Variants in CNOT10 observed in about 807,000 individuals in gnomAD.
CNOT10 encodes CCR4-NOT transcription complex, subunit 10.
CNOT10 carries 30 observed loss-of-function variants against 94.6 expected under a neutral mutation model. The ratio of observed to expected loss-of-function variants is 0.32; its 90% CI spans 0.24 to 0.43. The LOEUF is 0.43. Ranked by LOEUF, CNOT10 falls within the 20% of genes least tolerant of loss-of-function variation. CNOT10 has a pLI of 1.00. For missense variants in CNOT10, 759 were observed against 877.2 expected (o/e 0.87, Z 1.70); for synonymous variants, 289 against 301.6 (o/e 0.96, Z 0.43).
At chr3:32,723,652 A>G (rs537284117) in intron 8 of CNOT10, among the ~76,000 whole-genome samples, 7 of 152,326 alleles carry the variant, frequency 4.6e-5, no homozygotes, top group African/African-American at 1.4e-4. Context: ...GTAAACACAC[A>G]TACACATACT....
In CNOT10 at chr3:32,727,881, CT is replaced by C; in HGVS notation, c.1215+13del. ...GCTGCCAATAAGGGGGTGAGTGCTA[CT>C]TGGGTATCTTTTTAAACCCTGTCTT... On this transcript the variant is annotated intron_variant, in intron 10 of 18. Coordinates refer to ENST00000328834, the MANE Select transcript of CNOT10 (RefSeq NM_015442.3). The C allele has an allele frequency of 6.2e-7, 1 of 1,600,004 alleles. No homozygotes were observed. The highest frequency in any genetic ancestry group is 8.5e-7 in the Non-Finnish European group (1 of 1,174,098).
chr3:32,729,086 T>A (rs1341956782), intron 10 of CNOT10, among the ~76,000 whole-genome samples: 1 of 151,994 alleles, frequency 6.6e-6, no homozygotes, highest in African/African-American at 2.4e-5. Flanking sequence ...ACAGAGAGAC[T>A]CTGTCTCAAA....
chr3:32,757,240 C>T (rs948647873), intron 13 of CNOT10, among the ~76,000 whole-genome samples: 2 of 109,858 alleles, frequency 1.8e-5, no homozygotes, highest in Non-Finnish European at 3.3e-5. Context: ...AGCGCAATGG[C>T]GTGATCTCAG....
At chr3:32,764,986 C>T (rs1700601309) in intron 17 of CNOT10, 177 bp downstream of exon 17, 1 of 1,520,418 alleles carries the variant, frequency 6.6e-7, no homozygotes, top group Non-Finnish European at 8.8e-7. Flanking sequence ...TGTAAATGAA[C>T]CTAGACACTT....
intron 1 of CNOT10, 82 bp from the exon 2 acceptor site, chr3:32,703,786 A>C: frequency 1.1e-6 from 1 of 915,748 alleles, no homozygotes; most frequent in Non-Finnish European, 1.7e-6. Flanking sequence ...GGTAACTGAA[A>C]CTGCAGAAAG....
intron 8 of CNOT10, among the ~76,000 whole-genome samples, chr3:32,720,941 TCCC>T (rs1380055042): frequency 2.1e-5 from 3 of 140,528 alleles, no homozygotes; most frequent in Non-Finnish European, 4.6e-5. Flanking sequence ...CTTCCCTTCT[TCCC>T]TTCCTTCCCT....
At chr3:32,725,925 A>G (rs1698644255) in intron 9 of CNOT10, among the ~76,000 whole-genome samples, 1 of 100,454 alleles carries the variant, frequency 1.0e-5, no homozygotes, top group African/African-American at 4.2e-5. Flanking sequence ...TAGGTTTATT[A>G]TAGTTTTGTT....
At chr3:32,689,292 G>A (rs1696753908) in intron 1 of CNOT10, among the ~76,000 whole-genome samples, 1 of 151,328 alleles carries the variant, frequency 6.6e-6, no homozygotes, top group South Asian at 2.1e-4. Context: ...GGCAGAGGTT[G>A]CAGTGAGCCA....
rs558195354 is a variant in CNOT10 at position 32,715,655 on chromosome 3, C to G, written c.574-570C>G. Among the ~76,000 whole-genome samples the G allele has an allele frequency of 8.0e-4, 122 of 152,270 alleles. 1 individual carries two copies. The Middle Eastern group carries it at 0.01, about 13-fold the overall frequency. On this transcript the variant is annotated intron_variant, in intron 5 of 18. Transcript: ENST00000328834. Reference sequence around the variant, plus strand: ...TTTTAAAACAAGCCCAGGCTGGCCACAGTGGAGACCCCCGTCTCTATGAAA... The same window carrying G: ...TTTTAAAACAAGCCCAGGCTGGCCAGAGTGGAGACCCCCGTCTCTATGAAA...
At chr3:32,711,700 T>C (rs924396462) in intron 4 of CNOT10, among the ~76,000 whole-genome samples, 1 of 152,186 alleles carries the variant, frequency 6.6e-6, no homozygotes, top group Non-Finnish European at 1.5e-5. Flanking sequence ...GCATTCCCAC[T>C]GGAGGTAATG....
chr3:32,764,208 A>G, intron 15 of CNOT10: 1 of 425,924 alleles, frequency 2.3e-6, no homozygotes, highest in Non-Finnish European at 4.1e-6. Flanking sequence ...ATGGTGGCAC[A>G]TGCCTGTAAT....
chr3:32,768,538 G>A (rs531471074), intron 17 of CNOT10, among the ~76,000 whole-genome samples: 9 of 151,798 alleles, frequency 5.9e-5, no homozygotes, highest in South Asian at 2.1e-4. Context: ...AGCCTAGATC[G>A]TGCAATTGCA....
intron 13 of CNOT10, among the ~76,000 whole-genome samples, chr3:32,742,569 A>C (rs892935329): frequency 3.3e-5 from 5 of 152,010 alleles, no homozygotes; most frequent in Admixed American, 1.3e-4. Flanking sequence ...TTTGGTAGAG[A>C]TGGGGTGTCA....
intron 1 of CNOT10, among the ~76,000 whole-genome samples, chr3:32,702,123 T>C (rs1285952020): frequency 6.9e-6 from 1 of 145,010 alleles, no homozygotes; most frequent in Non-Finnish European, 1.5e-5. Flanking sequence ...CTCAAGACAG[T>C]CTCACTCTGT....
At chr3:32,690,881 G>T (rs760948174) in intron 1 of CNOT10, among the ~76,000 whole-genome samples, 11 of 151,724 alleles carry the variant, frequency 7.3e-5, no homozygotes, top group Non-Finnish European at 1.3e-4. Context: ...TATTATGAAT[G>T]ATTTCAAACA....
intron 10 of CNOT10, among the ~76,000 whole-genome samples, chr3:32,732,931 T>G (rs1272028528): frequency 2.0e-5 from 3 of 152,234 alleles, no homozygotes; most frequent in East Asian, 1.9e-4. Flanking sequence ...ATTGTGTCCA[T>G]GTAAATTTTT....
At chr3:32,728,488 C>G (rs1327342448) in intron 10 of CNOT10, among the ~76,000 whole-genome samples, 1 of 151,846 alleles carries the variant, frequency 6.6e-6, no homozygotes, top group Admixed American at 6.6e-5. Context: ...CAGTGAGCGC[C>G]TGTAGTCCCA....
intron 2 of CNOT10, among the ~76,000 whole-genome samples, chr3:32,704,563 A>G (rs1256931183): frequency 1.3e-5 from 2 of 152,114 alleles, no homozygotes; most frequent in East Asian, 3.8e-4. Context: ...ATGCCAGTAT[A>G]TTTATCATAT....
chr3:32,686,945 C>G (rs1357487397), intron 1 of CNOT10, among the ~76,000 whole-genome samples: 1 of 152,032 alleles, frequency 6.6e-6, no homozygotes, highest in African/African-American at 2.4e-5. Context: ...GCTGTTCAGT[C>G]TGTTGGAGGA....
Sources: allele counts gnomAD v4.1 joint callset (sites outside exome capture counted in the v4.1 genomes callset), GRCh38; gene constraint gnomAD v4.1.1; transcripts MANE v1.5; gene names NCBI Gene and HGNC (gene_info 2026-07-23, HGNC 2026-07-21).